The following MAN2A1 variants were observed in gnomAD, a reference collection of about 807,000 sequenced individuals.
The protein encoded by MAN2A1 is mannosidase alpha class 2A member 1, also known as alpha-mannosidase 2.
Under a neutral mutation model 142.6 loss-of-function variants are expected in MAN2A1, and 76 were observed. The ratio of observed to expected loss-of-function variants is 0.53; its 90% CI spans 0.44 to 0.65. The LOEUF is 0.65. MAN2A1 is among the 30% of genes least tolerant of loss of function. The pLI, the probability that MAN2A1 is intolerant of heterozygous loss-of-function variation, is 0.00. For missense variants in MAN2A1, 1,311 were observed against 1,365.1 expected, an observed-to-expected ratio of 0.96 and a Z score of 0.62; for synonymous variants, 559 against 473.2, an observed-to-expected ratio of 1.18 and a Z score of -2.35.
Position 109,797,834 on chromosome 5 carries a change from C to T in MAN2A1, c.1943+8307C>T, listed in dbSNP as rs142505778. Among the ~76,000 whole-genome samples the T allele has an allele frequency of 1.9e-3, 284 of 152,162 alleles. 1 individual carries two copies. Among genetic ancestry groups the T allele is most frequent in the African/African-American group, 6.3e-3 (262 of 41,518 alleles). ...ACTATATTGTATAATATAGAACAAACGCTAGACTGACTTAGACAGGAAGAC... is the reference window on the plus strand; with the variant it reads ...ACTATATTGTATAATATAGAACAAATGCTAGACTGACTTAGACAGGAAGAC... On this transcript the variant is annotated intron_variant, in intron 12 of 21. Coordinates refer to ENST00000261483, the MANE Select transcript of MAN2A1 (RefSeq NM_002372.4).
chr5:109,852,250 T>G (rs2112769879), intron 19 of MAN2A1, among the ~76,000 whole-genome samples: 3 of 152,240 alleles, frequency 2.0e-5, no homozygotes, highest in Admixed American at 2.0e-4. Flanking sequence ...AATGTTATGA[T>G]TCAATGTATT....
At chr5:109,721,556 G>T (rs1372998564) in intron 3 of MAN2A1, among the ~76,000 whole-genome samples, 1 of 152,188 alleles carries the variant, frequency 6.6e-6, no homozygotes, top group Non-Finnish European at 1.5e-5. Context: ...CAACTTGGCT[G>T]TGCATTTTAT....
intron 19 of MAN2A1, among the ~76,000 whole-genome samples, chr5:109,850,289 C>T (rs1156883708): frequency 2.0e-5 from 3 of 152,128 alleles, no homozygotes; most frequent in Non-Finnish European, 4.4e-5. Context: ...ATTGCAATTT[C>T]TGCCTATTAC....
At chr5:109,757,541 T>C (rs1166065084) in intron 5 of MAN2A1, among the ~76,000 whole-genome samples, 1 of 152,220 alleles carries the variant, frequency 6.6e-6, no homozygotes, top group Non-Finnish European at 1.5e-5. Context: ...TTTTGGGTCT[T>C]GTGTCTTTTG....
chr5:109,828,660 G>A (rs933293971), intron 16 of MAN2A1, among the ~76,000 whole-genome samples: 29 of 152,174 alleles, frequency 1.9e-4, no homozygotes, highest in African/African-American at 6.8e-4. Flanking sequence ...TAGCGAGTTA[G>A]TATGTATGTG....
At chr5:109,835,912 T>C (rs1755043895) in intron 16 of MAN2A1, among the ~76,000 whole-genome samples, 1 of 152,078 alleles carries the variant, frequency 6.6e-6, no homozygotes, top group Non-Finnish European at 1.5e-5. Context: ...GAGTTGGTGG[T>C]ACAGAGGAAG....
At chr5:109,744,827 T>C (rs1752356716) in intron 4 of MAN2A1, among the ~76,000 whole-genome samples, 1 of 152,168 alleles carries the variant, frequency 6.6e-6, no homozygotes, top group Admixed American at 6.5e-5. Context: ...ATACAGGCTT[T>C]TTCCTAGTAA....
Position 109,832,440 on chromosome 5 carries a change from A to G in MAN2A1, c.2566+8603A>G, listed in dbSNP as rs199667296. Among the ~76,000 whole-genome samples the G allele has an allele frequency of 2.0e-4, 31 of 152,226 alleles. No homozygotes were observed. The East Asian group carries it at 5.6e-3, about 28-fold the overall frequency. On this transcript the variant is annotated intron_variant, in intron 16 of 21. Transcript: ENST00000261483. ...CCACATCCTGCACCGCCCTTAATCCATTTAACCCTGAGTGGACACAGCACA... is the reference window on the plus strand; with the variant it reads ...CCACATCCTGCACCGCCCTTAATCCGTTTAACCCTGAGTGGACACAGCACA...
At chr5:109,765,816 C>A (rs1752973837) in intron 5 of MAN2A1, among the ~76,000 whole-genome samples, 1 of 152,080 alleles carries the variant, frequency 6.6e-6, no homozygotes, top group Non-Finnish European at 1.5e-5. Context: ...CCATTAGAAG[C>A]CTCTTTGGTC....
At chr5:109,834,527 A>C (rs1163952567) in intron 16 of MAN2A1, among the ~76,000 whole-genome samples, 1 of 152,146 alleles carries the variant, frequency 6.6e-6, no homozygotes, top group African/African-American at 2.4e-5. Flanking sequence ...TATAATCTTT[A>C]CCCAACATTT....
intron 4 of MAN2A1, among the ~76,000 whole-genome samples, chr5:109,731,977 A>G (rs1426654295): frequency 6.6e-6 from 1 of 152,070 alleles, no homozygotes; most frequent in Admixed American, 6.5e-5. Flanking sequence ...CAGTCCCACC[A>G]ATAGTGTAAA....
chr5:109,743,775 G>A (rs1180886122), intron 4 of MAN2A1, among the ~76,000 whole-genome samples: 4 of 152,306 alleles, frequency 2.6e-5, no homozygotes, highest in Middle Eastern at 3.4e-3. Context: ...CATCAACAGA[G>A]TTAGTTTTCT....
Position 109,785,932 on chromosome 5 carries a change from C to G in MAN2A1, c.1760+1006C>G, listed in dbSNP as rs576030303. Among the ~76,000 whole-genome samples, 78 of 152,112 alleles carry G rather than the reference C, an allele frequency of 5.1e-4. 1 individual carries two copies. Among genetic ancestry groups the G allele is most frequent in the African/African-American group, 1.8e-3 (76 of 41,510 alleles). On this transcript the variant is annotated intron_variant, in intron 10 of 21. Coordinates refer to ENST00000261483, the MANE Select transcript of MAN2A1 (RefSeq NM_002372.4). ...GAAAAGCGTATACAACACATAAAATCAATGTTAAAAAATTGACTCACGACT... is the reference window on the plus strand; with the variant it reads ...GAAAAGCGTATACAACACATAAAATGAATGTTAAAAAATTGACTCACGACT...
chr5:109,732,138 T>C (rs1447044231), intron 4 of MAN2A1, among the ~76,000 whole-genome samples: 1 of 151,234 alleles, frequency 6.6e-6, no homozygotes, highest in Non-Finnish European at 1.5e-5. Flanking sequence ...TTTCATGTGT[T>C]TTTTGGCTGC....
intron 1 of MAN2A1, among the ~76,000 whole-genome samples, chr5:109,700,910 T>C (rs1750962083): frequency 6.6e-6 from 1 of 152,216 alleles, no homozygotes; most frequent in African/African-American, 2.4e-5. Context: ...GTTACTTGTT[T>C]TGAAAGAACT....
chr5:109,863,092 A>G (rs960835908), intron 20 of MAN2A1: 7 of 152,170 alleles, frequency 4.6e-5, no homozygotes, highest in Admixed American at 3.3e-4. Context: ...CATGCTATCA[A>G]GTGATATGTA....
At chr5:109,784,684 T>C (rs1753550404) in intron 9 of MAN2A1, 60 bp from the exon 10 acceptor site, 1 of 1,341,154 alleles carries the variant, frequency 7.5e-7, no homozygotes, top group Admixed American at 2.7e-5. Flanking sequence ...ATGTCACAAG[T>C]TTTAGATTAT....
chr5:109,723,181 TG>T (rs1561478727), intron 3 of MAN2A1, among the ~76,000 whole-genome samples: 1 of 152,294 alleles, frequency 6.6e-6, no homozygotes, highest in African/African-American at 2.4e-5. Flanking sequence ...TCCTCTGGTG[TG>T]GGGTAAAATT....
intron 8 of MAN2A1, among the ~76,000 whole-genome samples, chr5:109,780,307 C>T (rs1367078678): frequency 6.6e-6 from 1 of 152,108 alleles, no homozygotes; most frequent in African/African-American, 2.4e-5. Context: ...GATCCACCCG[C>T]CTCAGCTTCC....
Sources: gnomAD v4.1 joint callset for allele counts (sites outside exome capture counted in the v4.1 genomes callset) on GRCh38, gnomAD v4.1.1 for gene constraint, MANE v1.5 for transcripts, NCBI Gene and HGNC (gene_info 2026-07-23, HGNC 2026-07-21) for gene names.